The following EMSY variants were observed in gnomAD, a reference collection of about 807,000 sequenced individuals.
The protein encoded by EMSY is EMSY transcriptional repressor, BRCA2 interacting.
Under a neutral mutation model 134.6 loss-of-function variants are expected in EMSY, and 26 were observed. That is an observed-to-expected ratio of 0.19 (90% CI 0.14 to 0.27). EMSY has a LOEUF of 0.27. EMSY is among the 10% of genes least tolerant of loss of function. The pLI is 1.00. For missense variants in EMSY, 1,305 were observed against 1,611.4 expected, an observed-to-expected ratio of 0.81 and a Z score of 3.26; for synonymous variants, 579 against 577.8, an observed-to-expected ratio of 1.00 and a Z score of -0.03.
At chr11:76,551,871 T>G (rs985938208), downstream of EMSY, 1 of 152,208 alleles carries the variant, frequency 6.6e-6, no homozygotes, top group Non-Finnish European at 1.5e-5. Flanking sequence ...CCCTCTGTTA[T>G]GATCAATCCA....
intron 9 of EMSY, among the ~76,000 whole-genome samples, chr11:76,499,275 CTTTTTTTTTTT>C (rs777778051): frequency 2.1e-4 from 15 of 69,974 alleles, no homozygotes; most frequent in East Asian, 4.5e-4. Flanking sequence ...AATCTTATAA[CTTTTTTTTTTT>C]TTTTTTTTTT....
intron 7 of EMSY, among the ~76,000 whole-genome samples, chr11:76,466,182 C>T (rs1218188318): frequency 1.3e-5 from 2 of 152,106 alleles, no homozygotes; most frequent in Non-Finnish European, 2.9e-5. Context: ...CTTAGCCTTC[C>T]CTTAGGATGG....
chr11:76,511,595 G>A (rs1166364918), intron 9 of EMSY, among the ~76,000 whole-genome samples: 1 of 152,100 alleles, frequency 6.6e-6, no homozygotes, highest in African/African-American at 2.4e-5. Flanking sequence ...ACCTACTCGG[G>A]AGGCTGAGGC....
At chr11:76,539,776 T>C in intron 17 of EMSY, 136 bp downstream of exon 18, 3 of 849,940 alleles carry the variant, frequency 3.5e-6, no homozygotes, top group East Asian at 2.5e-5. Flanking sequence ...GGAAGAGAGA[T>C]TTTTCTTTTG....
chr11:76,513,934 A>G (rs961421421), intron 10 of EMSY, among the ~76,000 whole-genome samples: 4 of 152,098 alleles, frequency 2.6e-5, no homozygotes, highest in Non-Finnish European at 5.9e-5. Flanking sequence ...CCCAACCCAC[A>G]AGGATTTCAC....
intron 9 of EMSY, among the ~76,000 whole-genome samples, chr11:76,501,275 G>A (rs1214045983): frequency 1.3e-5 from 2 of 152,086 alleles, no homozygotes; most frequent in Admixed American, 6.6e-5. Context: ...ACATAAGGAG[G>A]CAGGTAAAGA....
chr11:76,539,133 A>AT (rs1951337863), intron 16 of EMSY, among the ~76,000 whole-genome samples: 1 of 146,388 alleles, frequency 6.8e-6, no homozygotes, highest in African/African-American at 2.4e-5. Flanking sequence ...TCCTATTCTG[A>AT]TTAGATGACA....
chr11:76,486,700 G>C (rs1027595738), intron 8 of EMSY, among the ~76,000 whole-genome samples: 6 of 152,160 alleles, frequency 3.9e-5, no homozygotes, highest in Non-Finnish European at 5.9e-5. Flanking sequence ...TGTCTGGAAG[G>C]TGGGTGAAGT....
At chr11:76,467,539 A>G (rs1948400902) in intron 7 of EMSY, among the ~76,000 whole-genome samples, 1 of 152,176 alleles carries the variant, frequency 6.6e-6, no homozygotes, top group Non-Finnish European at 1.5e-5. Context: ...ACTTTGTCTT[A>G]TTCTTCAATG....
chr11:76,480,013 A>G (rs1221679985), intron 8 of EMSY, among the ~76,000 whole-genome samples: 3 of 152,362 alleles, frequency 2.0e-5, no homozygotes, highest in Admixed American at 1.3e-4. Context: ...ACGACATTAC[A>G]GTTTTAAAAA....
At chr11:76,529,272 C>T (rs1950950031) in intron 14 of EMSY, among the ~76,000 whole-genome samples, 1 of 152,082 alleles carries the variant, frequency 6.6e-6, no homozygotes, top group African/African-American at 2.4e-5. Flanking sequence ...TTCCCTTGTT[C>T]TTTCCACACT....
chr11:76,460,418 A>C, intron 6 of EMSY: 1 of 177,666 alleles, frequency 5.6e-6, no homozygotes, highest in Non-Finnish European at 1.2e-5. Context: ...AATTTATTCA[A>C]TATTTCTCCT....
chr11:76,520,102 T>G (rs1372878915), intron 11 of EMSY, among the ~76,000 whole-genome samples: 2 of 152,152 alleles, frequency 1.3e-5, no homozygotes, highest in Admixed American at 1.3e-4. Flanking sequence ...ATTTATCCCC[T>G]GATACAGAAA....
chr11:76,541,036 C>T (rs1008927363), intron 17 of EMSY, among the ~76,000 whole-genome samples: 14 of 152,084 alleles, frequency 9.2e-5, no homozygotes, highest in Non-Finnish European at 1.5e-4. Flanking sequence ...ACCAGCTTGG[C>T]CATCATGGCA....
intron 8 of EMSY, among the ~76,000 whole-genome samples, chr11:76,489,929 A>G (rs1347814158): frequency 1.3e-5 from 2 of 151,902 alleles, no homozygotes; most frequent in African/African-American, 2.4e-5. Context: ...TTTTTTCATT[A>G]TTGTATTCTT....
Position 76,525,982 on chromosome 11 carries a change from AT to A in EMSY, c.1822-476del, listed in dbSNP as rs1243950562. 9.9e-5 allele frequency among the ~76,000 whole-genome samples: 15 copies of A among 152,178 alleles called. 1 individual carries two copies. In the East Asian group the frequency reaches 2.9e-3, roughly 29 times the overall value. ...CATATATGTAGAACTTAGGGGATGT[AT>A]TTTATGTGTGTGCATTTAGCTACTG... On this transcript the variant is annotated intron_variant, in intron 12 of 20. Coordinates refer to ENST00000334736, the Ensembl canonical transcript of EMSY.
chr11:76,453,165 A>T, intron 3 of EMSY, 149 bp from the exon 4 acceptor site: 1 of 516,566 alleles, frequency 1.9e-6, no homozygotes. Flanking sequence ...AAGCATTTGA[A>T]GATATATATA....
chr11:76,542,093 C>G, intron 17 of EMSY, 123 bp from the exon 19 acceptor site: 1 of 1,255,726 alleles, frequency 8.0e-7, no homozygotes, highest in Admixed American at 1.7e-5. Flanking sequence ...CTTCTGCCTC[C>G]TAGTTCACAA....
chr11:76,528,491 T>G, intron 14 of EMSY, 25 bp downstream of exon 15: 1 of 1,554,026 alleles, frequency 6.4e-7, no homozygotes, highest in South Asian at 1.1e-5. Flanking sequence ...ACTTCTGATT[T>G]ATATAAGTAC....
Sources: allele counts gnomAD v4.1 joint callset (sites outside exome capture counted in the v4.1 genomes callset), GRCh38; gene constraint gnomAD v4.1.1; transcripts MANE v1.5; gene names NCBI Gene and HGNC (gene_info 2026-07-23, HGNC 2026-07-21).